The following NKAIN3 variants were observed in gnomAD, a reference collection of about 807,000 sequenced individuals.
The protein encoded by NKAIN3 is sodium/potassium-transporting ATPase subunit beta-1-interacting protein 3.
A neutral mutation model predicts 30.2 loss-of-function variants in NKAIN3; 25 were observed. That is an observed-to-expected ratio of 0.83 (90% CI 0.60 to 1.16). The LOEUF (loss-of-function observed/expected upper bound fraction) is 1.16. Ranked by LOEUF, NKAIN3 falls within the 50% of genes most tolerant of loss-of-function variation. The pLI is 0.00. For synonymous variants in NKAIN3, 91 were observed against 89.6 expected (o/e 1.02, Z -0.09); for missense variants, 225 against 254.1 (o/e 0.89, Z 0.78).
rs139896060 is a variant in NKAIN3 at position 62,764,098 on chromosome 8, T to G, written c.471+16969T>G. Among the ~76,000 whole-genome samples, 14 of 152,366 alleles carry G rather than the reference T, an allele frequency of 9.2e-5. No homozygotes were observed. In the East Asian group the frequency reaches 2.5e-3, roughly 27 times the overall value. On this transcript the variant is annotated intron_variant, in intron 4 of 6. Coordinates refer to ENST00000623646, the MANE Select transcript of NKAIN3 (RefSeq NM_001304533.3). The stretch of plus-strand genomic sequence containing the variant: ...TTTGTGGTTTATGATTATGCCGACC[T>G]TAGCCATTTGGCTGATGCCCTTTGG...
chr8:62,635,566 G>T (rs1188417243), intron 3 of NKAIN3, among the ~76,000 whole-genome samples: 1 of 152,050 alleles, frequency 6.6e-6, no homozygotes, highest in African/African-American at 2.4e-5. Context: ...TAACCCCAAG[G>T]TGATGGTATT....
intron 4 of NKAIN3, among the ~76,000 whole-genome samples, chr8:62,766,337 C>T (rs898663512): frequency 1.3e-5 from 2 of 152,136 alleles, no homozygotes; most frequent in Non-Finnish European, 1.5e-5. Context: ...AAATGCTATT[C>T]GGCTTGCCTA....
chr8:62,812,956 G>T (rs1818539538), intron 4 of NKAIN3, among the ~76,000 whole-genome samples: 1 of 151,736 alleles, frequency 6.6e-6, no homozygotes, highest in Non-Finnish European at 1.5e-5. Flanking sequence ...ATCTTTTCTT[G>T]TAACAGGTAC....
In NKAIN3 at chr8:62,248,995, C is replaced by A; in HGVS notation, c.-79C>A. ...GAGCCTGGGCCGGGCCGGGCGGGGA[C>A]TACTCCGGAGTCAGGAGGCAGCAGC... On this transcript the variant is annotated 5_prime_UTR_variant, in exon 1 of 7. Coordinates refer to ENST00000623646, the MANE Select transcript of NKAIN3 (RefSeq NM_001304533.3). The A allele has an allele frequency of 7.5e-7, 1 of 1,338,242 alleles. No homozygotes were observed. The highest frequency in any genetic ancestry group is 1.0e-6 in the Non-Finnish European group (1 of 976,228). 82.9% of individuals were successfully genotyped at this position (1,338,242 alleles called of 1,614,324 possible).
intron 1 of NKAIN3, among the ~76,000 whole-genome samples, chr8:62,488,009 C>T (rs10091239): frequency 0.74 from 112,948 of 152,084 alleles, 42,095 homozygotes; most frequent in South Asian, 0.81. Context: ...GGCAGATTTA[C>T]TGGTCCATTT....
intron 4 of NKAIN3, among the ~76,000 whole-genome samples, chr8:62,906,267 C>A (rs1304320943): frequency 6.6e-6 from 1 of 152,230 alleles, no homozygotes; most frequent in Admixed American, 6.5e-5. Flanking sequence ...AAGTTTCTGA[C>A]ATTAAGTAGC....
At chr8:62,288,644 A>G (rs563909211) in intron 1 of NKAIN3, among the ~76,000 whole-genome samples, 2 of 152,096 alleles carry the variant, frequency 1.3e-5, no homozygotes, top group Non-Finnish European at 2.9e-5. Context: ...TCTATCATTG[A>G]TGGACATTTG....
intron 1 of NKAIN3, among the ~76,000 whole-genome samples, chr8:62,300,880 C>T (rs56064221): frequency 0.035 from 5,348 of 152,000 alleles, 339 homozygotes; most frequent in African/African-American, 0.12. Context: ...AGCCAGACTT[C>T]GAATCTCCTT....
intron 1 of NKAIN3, among the ~76,000 whole-genome samples, chr8:62,380,938 T>C (rs953211918): frequency 1.3e-5 from 2 of 152,118 alleles, no homozygotes; most frequent in African/African-American, 2.4e-5. Flanking sequence ...TAATGGATTT[T>C]TTTTCCCTGT....
intron 4 of NKAIN3, among the ~76,000 whole-genome samples, chr8:62,823,980 C>T (rs549008100): frequency 1.3e-5 from 2 of 152,206 alleles, no homozygotes; most frequent in East Asian, 3.9e-4. Context: ...GGAGGAAGTA[C>T]AGGAAGTAGG....
rs79157750 is a variant in NKAIN3 at position 62,967,476 on chromosome 8, C to T, written c.*2069C>T. ...GTGATTATTATTAATAATGTCAAAA[C>T]ACTCCTCTGTACCCTGTCTGGAGCT... On this transcript the variant is annotated 3_prime_UTR_variant, in exon 7 of 7. Transcript: ENST00000623646. Among the ~76,000 whole-genome samples, 7,932 of 152,244 alleles carry T rather than the reference C, an allele frequency of 0.052. 288 individuals carry two copies. Among genetic ancestry groups the T allele is most frequent in the Non-Finnish European group, 0.079 (5,399 of 68,012 alleles).
chr8:62,825,100 G>T (rs1818976969), intron 4 of NKAIN3, among the ~76,000 whole-genome samples: 1 of 152,158 alleles, frequency 6.6e-6, no homozygotes, highest in African/African-American at 2.4e-5. Context: ...CAAGTCCATG[G>T]ACCCCACCCA....
chr8:62,479,230 A>G (rs987117865), intron 1 of NKAIN3, among the ~76,000 whole-genome samples: 1 of 152,144 alleles, frequency 6.6e-6, no homozygotes, highest in African/African-American at 2.4e-5. Flanking sequence ...TTGTGTTATT[A>G]TTATCACTAT....
At chr8:62,994,585 A>G (rs16930066) in intron 5 of NKAIN3, among the ~76,000 whole-genome samples, 14,857 of 151,864 alleles carry the variant, frequency 0.098, 713 homozygotes, top group South Asian at 0.17. Context: ...CATTCATTAA[A>G]TGTTATGGTC....
chr8:62,867,521 C>T (rs369155209), intron 4 of NKAIN3, among the ~76,000 whole-genome samples: 16 of 152,280 alleles, frequency 1.1e-4, no homozygotes, highest in African/African-American at 3.9e-4. Context: ...GAGGAGAGAA[C>T]TGAGAATTGA....
At chr8:62,800,623 A>G (rs543079160) in intron 4 of NKAIN3, among the ~76,000 whole-genome samples, 1 of 152,274 alleles carries the variant, frequency 6.6e-6, no homozygotes, top group East Asian at 1.9e-4. Flanking sequence ...TTTAAAAACA[A>G]TATCAGTGGC....
At chr8:62,297,993 A>G (rs1344739831) in intron 1 of NKAIN3, among the ~76,000 whole-genome samples, 2 of 152,150 alleles carry the variant, frequency 1.3e-5, no homozygotes, top group South Asian at 2.1e-4. Flanking sequence ...CTATGCAGCC[A>G]TAAAAAATGA....
chr8:62,492,254 A>T (rs1458648001), intron 1 of NKAIN3, among the ~76,000 whole-genome samples: 2 of 152,136 alleles, frequency 1.3e-5, no homozygotes, highest in Non-Finnish European at 2.9e-5. Flanking sequence ...TCTTTTCTCC[A>T]CAAGTGTAGA....
chr8:62,800,472 A>C (rs980119905), intron 4 of NKAIN3, among the ~76,000 whole-genome samples: 1 of 152,034 alleles, frequency 6.6e-6, no homozygotes, highest in African/African-American at 2.4e-5. Context: ...CTATGACCTC[A>C]GATCTATTTC....
Sources: gnomAD v4.1 joint callset for allele counts (sites outside exome capture counted in the v4.1 genomes callset) on GRCh38, gnomAD v4.1.1 for gene constraint, MANE v1.5 for transcripts, NCBI Gene and HGNC (gene_info 2026-07-23, HGNC 2026-07-21) for gene names.